Variants in NSMCE1 observed in about 807,000 individuals in gnomAD.
The protein encoded by NSMCE1 is non-structural maintenance of chromosomes element 1 homolog.
A neutral mutation model predicts 29.6 loss-of-function variants in NSMCE1; 18 were observed. The ratio of observed to expected loss-of-function variants is 0.61; its 90% CI spans 0.42 to 0.90. NSMCE1 has a LOEUF of 0.90. NSMCE1 is among the 40% of genes least tolerant of loss of function. The probability of loss-of-function intolerance (pLI) is 0.00; values close to 1 mark genes in which losing one functional copy is unlikely to be tolerated. For synonymous variants in NSMCE1, 124 were observed against 133.4 expected (o/e 0.93, Z 0.49); for missense variants, 314 against 343.6 (o/e 0.91, Z 0.68).
chr16:27,251,931 G>A (rs534940474), intron 2 of NSMCE1, among the ~76,000 whole-genome samples: 3 of 152,218 alleles, frequency 2.0e-5, no homozygotes, highest in African/African-American at 7.2e-5. Context: ...ACCTGCCTTA[G>A]TCTCCCTGAA....
At chr16:27,260,629 A>C (rs1450559877) in intron 1 of NSMCE1, among the ~76,000 whole-genome samples, 2 of 152,108 alleles carry the variant, frequency 1.3e-5, no homozygotes, top group East Asian at 1.9e-4. Flanking sequence ...AGTTCCTTAT[A>C]GGCTGGGCAC....
At chr16:27,228,196 G>C (rs1271138853) in intron 5 of NSMCE1, among the ~76,000 whole-genome samples, 4 of 152,196 alleles carry the variant, frequency 2.6e-5, no homozygotes, top group African/African-American at 9.7e-5. Context: ...GTTCGCTCTG[G>C]AACACCAGTA....
intron 2 of NSMCE1, among the ~76,000 whole-genome samples, chr16:27,250,843 G>GTTT (rs200523800): frequency 0.05 from 6,096 of 122,744 alleles, 425 homozygotes; most frequent in African/African-American, 0.15. Context: ...AATTTTAACT[G>GTTT]TTTTTTTTTT....
At position 27,225,217 on chromosome 16, in the gene NSMCE1, C is replaced by T; in HGVS notation, c.741G>A (p.Lys247=). 4.4e-6 allele frequency: 7 copies of T among 1,605,904 alleles called. No individual in the cohort carries two copies. The highest frequency in any genetic ancestry group is 6.0e-6 in the Non-Finnish European group (7 of 1,174,882). The stretch of plus-strand genomic sequence containing the variant: ...ATTTCAAGACACCAGACTCCCTCTC[C>T]TTCTCAGGGTCGAAGACTTCTGTAG... The part of the protein sequence containing the change: ...HEIPKVFDPE[K]ERESGVLKSN... The change falls in exon 8 of 8, where the codon AAG becomes AAA. Residue 247 remains lysine, a synonymous_variant. Coordinates refer to ENST00000361439, the MANE Select transcript of NSMCE1 (RefSeq NM_145080.4).
intron 2 of NSMCE1, among the ~76,000 whole-genome samples, chr16:27,238,542 CTT>C (rs34970492): frequency 4.0e-5 from 3 of 74,332 alleles, no homozygotes; most frequent in Non-Finnish European, 4.7e-5. Context: ...CGCCTTTTTT[CTT>C]TTTTTTTTTT....
At chr16:27,254,667 C>A (rs1260183683) in intron 2 of NSMCE1, among the ~76,000 whole-genome samples, 1 of 152,076 alleles carries the variant, frequency 6.6e-6, no homozygotes, top group Non-Finnish European at 1.5e-5. Flanking sequence ...CTCACTGCAA[C>A]CCCCACCTCC....
rs1555477411 is a variant in NSMCE1, at chr16:27,251,191, A to ATATATATATATAAAT, written c.136+6243_136+6244insATTTATATATATATA. On this transcript the variant is annotated intron_variant, in intron 2 of 7. Coordinates refer to ENST00000361439, the MANE Select transcript of NSMCE1 (RefSeq NM_145080.4). ...ATATATATATATATATATATATATA[A>ATATATATATATAAAT]ATATATATATATATATAAAACTCTG... 9.6e-4 allele frequency among the ~76,000 whole-genome samples: 31 copies of ATATATATATATAAAT among 32,276 alleles called. No individual in the cohort carries two copies. In the East Asian group the frequency reaches 0.015, roughly 15 times the overall value. 21.2% of individuals were successfully genotyped at this position (32,276 alleles called of 152,430 possible). A position where few individuals can be genotyped will look rare whatever the true frequency, so the allele number is the denominator to read the frequency against.
intron 5 of NSMCE1, among the ~76,000 whole-genome samples, chr16:27,229,899 C>A (rs866997787): frequency 3.9e-5 from 6 of 152,196 alleles, no homozygotes; most frequent in Non-Finnish European, 8.8e-5. Flanking sequence ...TACTGAACAC[C>A]TGCTATGTGC....
intron 1 of NSMCE1, among the ~76,000 whole-genome samples, chr16:27,265,717 A>G (rs999013183): frequency 6.6e-6 from 1 of 152,222 alleles, no homozygotes; most frequent in Non-Finnish European, 1.5e-5. Flanking sequence ...GACAAAGTAG[A>G]GCTCCTCACA....
At chr16:27,238,841 A>G (rs1204136845) in intron 2 of NSMCE1, among the ~76,000 whole-genome samples, 2 of 150,404 alleles carry the variant, frequency 1.3e-5, no homozygotes, top group Admixed American at 1.3e-4. Flanking sequence ...AATGAGTCCT[A>G]TGTGTCCCTC....
At chr16:27,250,904 C>G (rs1596689461) in intron 2 of NSMCE1, among the ~76,000 whole-genome samples, 1 of 140,232 alleles carries the variant, frequency 7.1e-6, no homozygotes, top group Middle Eastern at 3.9e-3. Flanking sequence ...GTGCAATGCA[C>G]GATACCAGCT....
chr16:27,259,767 C>T (rs1203583331), intron 1 of NSMCE1, among the ~76,000 whole-genome samples: 2 of 152,092 alleles, frequency 1.3e-5, no homozygotes, highest in Non-Finnish European at 2.9e-5. Flanking sequence ...CCACACAATA[C>T]CAGAGATTAA....
chr16:27,254,512 G>C (rs1007863026), intron 2 of NSMCE1, among the ~76,000 whole-genome samples: 2 of 152,198 alleles, frequency 1.3e-5, no homozygotes, highest in African/African-American at 4.8e-5. Context: ...AAAGCTTACA[G>C]TCAAGACTCA....
intron 5 of NSMCE1, among the ~76,000 whole-genome samples, chr16:27,231,947 A>G (rs1596672760): frequency 6.6e-6 from 1 of 152,132 alleles, no homozygotes; most frequent in East Asian, 1.9e-4. Flanking sequence ...CAGATCCTGC[A>G]CTCACCAGGA....
intron 1 of NSMCE1, among the ~76,000 whole-genome samples, chr16:27,264,494 G>A (rs61172255): frequency 0.013 from 1,956 of 152,166 alleles, 29 homozygotes; most frequent in African/African-American, 0.043. Context: ...ACTCAGAAAC[G>A]GAAAGGTATA....
chr16:27,254,880 T>A (rs1364946273), intron 2 of NSMCE1, among the ~76,000 whole-genome samples: 1 of 136,534 alleles, frequency 7.3e-6, no homozygotes, highest in African/African-American at 2.8e-5. Context: ...TTTTTTTTTT[T>A]TTTTTTTTTT....
chr16:27,257,656 C>T, intron 1 of NSMCE1, 75 bp from the exon 2 acceptor site: 10 of 1,182,132 alleles, frequency 8.5e-6, no homozygotes, highest in Non-Finnish European at 1.2e-5. Flanking sequence ...TACTAATTTA[C>T]ATTAACAAAT....
intron 5 of NSMCE1, among the ~76,000 whole-genome samples, chr16:27,229,652 C>T (rs1028506066): frequency 6.6e-6 from 1 of 152,244 alleles, no homozygotes; most frequent in African/African-American, 2.4e-5. Context: ...TCTCAGCTCA[C>T]TGCAACCTCT....
intron 2 of NSMCE1, chr16:27,241,567 T>C (rs968455488): frequency 4.3e-5 from 8 of 184,816 alleles, no homozygotes; most frequent in African/African-American, 1.6e-4. Flanking sequence ...TCTCAGCCTG[T>C]AGCTCTCATC....
Sources: gnomAD v4.1 joint callset for allele counts (sites outside exome capture counted in the v4.1 genomes callset) on GRCh38, gnomAD v4.1.1 for gene constraint, MANE v1.5 for transcripts, NCBI Gene and HGNC (gene_info 2026-07-23, HGNC 2026-07-21) for gene names.